The following CRY1 variants were observed in gnomAD, a reference collection of about 807,000 sequenced individuals.
CRY1 encodes the protein cryptochrome-1.
In CRY1, 45 loss-of-function variants were observed where a neutral mutation model predicts 76.0. That is an observed-to-expected ratio of 0.59 (90% CI 0.47 to 0.76). CRY1 has a LOEUF of 0.76. Among genes scored for constraint, CRY1 ranks in the 30% least tolerant of loss-of-function variants. The probability of loss-of-function intolerance (pLI) is 0.00; values close to 1 mark genes in which losing one functional copy is unlikely to be tolerated. For synonymous variants in CRY1, 248 were observed against 244.0 expected, an observed-to-expected ratio of 1.02 and a Z score of -0.15; for missense variants, 587 against 716.4, an observed-to-expected ratio of 0.82 and a Z score of 2.06.
intron 2 of CRY1, among the ~76,000 whole-genome samples, chr12:107,021,244 T>C (rs568531670): frequency 1.3e-5 from 2 of 152,170 alleles, no homozygotes; most frequent in East Asian, 1.9e-4. Flanking sequence ...GATTGCGCCA[T>C]TGCACTCTAG....
chr12:107,074,420 G>T (rs754368140), intron 1 of CRY1, among the ~76,000 whole-genome samples: 12 of 152,138 alleles, frequency 7.9e-5, no homozygotes, highest in Non-Finnish European at 1.8e-4. Flanking sequence ...TTAATTTGTT[G>T]TTGCTGTTGC....
intron 2 of CRY1, among the ~76,000 whole-genome samples, chr12:107,015,561 T>C (rs1436057509): frequency 6.6e-6 from 1 of 152,230 alleles, no homozygotes; most frequent in Non-Finnish European, 1.5e-5. Context: ...TCCAGGCTTA[T>C]CTACTCGTTA....
intron 3 of CRY1, among the ~76,000 whole-genome samples, chr12:107,004,679 C>T (rs1952349850): frequency 6.6e-6 from 1 of 152,012 alleles, no homozygotes; most frequent in Non-Finnish European, 1.5e-5. Context: ...TCCAGACAGA[C>T]ATAATAGATA....
At chr12:107,067,912 G>C (rs1437516340) in intron 1 of CRY1, among the ~76,000 whole-genome samples, 1 of 152,228 alleles carries the variant, frequency 6.6e-6, no homozygotes, top group Non-Finnish European at 1.5e-5. Context: ...AGCTTCAGTA[G>C]AGAACAAGAT....
chr12:106,996,276 T>A (rs1418199825), intron 10 of CRY1, among the ~76,000 whole-genome samples: 1 of 152,198 alleles, frequency 6.6e-6, no homozygotes, highest in East Asian at 1.9e-4. Flanking sequence ...ACAAGCTCCA[T>A]CATGTCCCTG....
chr12:107,078,209 A>G (rs1295509508), intron 1 of CRY1, among the ~76,000 whole-genome samples: 1 of 152,182 alleles, frequency 6.6e-6, no homozygotes, highest in Non-Finnish European at 1.5e-5. Context: ...GAGTTGTGAA[A>G]CAGCCTTGTC....
chr12:107,001,764 CT>C lies in CRY1; in HGVS notation c.594del (p.Gly199ValfsTer41). The part of the protein sequence containing the change: ...EKYGVPSLEE[L>X]GFDTDGLSSA... ...CACACTGACTACAGTTTACACTCAC[CT>C]AGCTCTTCCAGTGAAGGGACTCCAT... is the stretch of plus-strand genomic sequence containing the variant. On this transcript the variant is annotated frameshift_variant and splice_region_variant, in exon 4 of 13. Coordinates refer to ENST00000008527, the MANE Select transcript of CRY1 (RefSeq NM_004075.5). LOFTEE classifies it high-confidence loss of function. 1 of 1,548,196 alleles carries C rather than the reference CT, an allele frequency of 6.5e-7. No individual in the cohort carries two copies. The highest frequency in any genetic ancestry group is 8.6e-7 in the Non-Finnish European group (1 of 1,159,972).
chr12:107,026,119 T>C (rs866010660), intron 1 of CRY1, among the ~76,000 whole-genome samples: 6 of 43,530 alleles, frequency 1.4e-4, no homozygotes, highest in African/African-American at 4.6e-4. Flanking sequence ...AAAATATATA[T>C]ATTATATATA....
At chr12:107,090,013 C>A (rs1953451754) in intron 1 of CRY1, among the ~76,000 whole-genome samples, 1 of 152,156 alleles carries the variant, frequency 6.6e-6, no homozygotes. Context: ...TTTTTCAGTT[C>A]TCCTCTTGAC....
intron 1 of CRY1, among the ~76,000 whole-genome samples, chr12:107,032,212 G>A (rs1952685078): frequency 6.6e-6 from 1 of 152,148 alleles, no homozygotes; most frequent in South Asian, 2.1e-4. Context: ...GGGATTACAG[G>A]CATGAGCCAC....
intron 1 of CRY1, among the ~76,000 whole-genome samples, chr12:107,038,152 G>A (rs1952758184): frequency 6.6e-6 from 1 of 152,150 alleles, no homozygotes; most frequent in African/African-American, 2.4e-5. Context: ...AACTGGTAAT[G>A]GTGAAAATGG....
At chr12:107,025,722 T>C (rs1952600621) in intron 1 of CRY1, among the ~76,000 whole-genome samples, 1 of 152,178 alleles carries the variant, frequency 6.6e-6, no homozygotes, top group Non-Finnish European at 1.5e-5. Flanking sequence ...ATTCATTTTA[T>C]ATGCAATTCC....
At chr12:107,010,128 G>GA (rs1952426596) in intron 2 of CRY1, among the ~76,000 whole-genome samples, 1 of 80,694 alleles carries the variant, frequency 1.2e-5, no homozygotes, top group African/African-American at 6.9e-5. Flanking sequence ...TACCTTTCAA[G>GA]AAATTTTTTC....
At chr12:106,998,146 A>G in intron 7 of CRY1, 80 bp from the exon 8 acceptor site, 1 of 1,493,086 alleles carries the variant, frequency 6.7e-7, no homozygotes, top group Non-Finnish European at 9.1e-7. Context: ...AGTAGAGCCA[A>G]AGTCAAGGCA....
intron 3 of CRY1, among the ~76,000 whole-genome samples, chr12:107,003,778 A>G (rs1229805240): frequency 6.6e-6 from 1 of 151,956 alleles, no homozygotes; most frequent in Non-Finnish European, 1.5e-5. Flanking sequence ...CATATAGTAA[A>G]TATTCACATT....
chr12:107,041,984 C>T (rs1952804468), intron 1 of CRY1, among the ~76,000 whole-genome samples: 1 of 152,072 alleles, frequency 6.6e-6, no homozygotes, highest in South Asian at 2.1e-4. Flanking sequence ...GAAAAAAGTG[C>T]TCAAGACAAA....
chr12:107,031,918 A>G (rs560302366), intron 1 of CRY1, among the ~76,000 whole-genome samples: 45 of 152,024 alleles, frequency 3.0e-4, no homozygotes, highest in Non-Finnish European at 5.3e-4. Flanking sequence ...AGTTAGTACT[A>G]TGGTTTCTTT....
chr12:107,078,215 T>C (rs969913205), intron 1 of CRY1, among the ~76,000 whole-genome samples: 4 of 152,152 alleles, frequency 2.6e-5, no homozygotes, highest in African/African-American at 9.7e-5. Context: ...TGAAACAGCC[T>C]TGTCAATCAA....
chr12:106,993,776 A>C (rs1372722034), intron 10 of CRY1, among the ~76,000 whole-genome samples: 1 of 152,158 alleles, frequency 6.6e-6, no homozygotes, highest in African/African-American at 2.4e-5. Flanking sequence ...GTACTATCCC[A>C]TAGTTGTTTT....
Sources: gnomAD v4.1 joint callset for allele counts (sites outside exome capture counted in the v4.1 genomes callset) on GRCh38, gnomAD v4.1.1 for gene constraint, MANE v1.5 for transcripts, NCBI Gene and HGNC (gene_info 2026-07-23, HGNC 2026-07-21) for gene names.